Variants in SMG7 observed in about 807,000 individuals in gnomAD.
The protein encoded by SMG7 is nonsense-mediated mRNA decay factor SMG7.
Under a neutral mutation model 148.2 loss-of-function variants are expected in SMG7, and 34 were observed. The ratio of observed to expected loss-of-function variants is 0.23; its 90% CI spans 0.17 to 0.31. The LOEUF is 0.31. Ranked by LOEUF, SMG7 falls within the 10% of genes least tolerant of loss-of-function variation. The probability of loss-of-function intolerance (pLI) is 1.00; values close to 1 mark genes in which losing one functional copy is unlikely to be tolerated. For synonymous variants in SMG7, 492 were observed against 515.1 expected (o/e 0.96, Z 0.61); for missense variants, 1,114 against 1,408.4 (o/e 0.79, Z 3.35).
intron 1 of SMG7, 63 bp from the exon 2 acceptor site, chr1:183,512,774 G>A (rs1307047047): frequency 2.2e-6 from 3 of 1,387,018 alleles, no homozygotes; most frequent in Non-Finnish European, 2.9e-6. Context: ...TTATTTATAT[G>A]TTAGTTAGGC....
intron 4 of SMG7, among the ~76,000 whole-genome samples, chr1:183,525,000 A>G (rs1665549873): frequency 6.6e-6 from 1 of 152,032 alleles, no homozygotes. Context: ...TTGTCTTTGT[A>G]TCTTTCTTGT....
intron 12 of SMG7, among the ~76,000 whole-genome samples, chr1:183,539,564 A>G (rs1470005217): frequency 6.6e-6 from 1 of 152,210 alleles, no homozygotes; most frequent in African/African-American, 2.4e-5. Context: ...GCATATTCTA[A>G]CAATCTGACC....
chr1:183,528,068 GTTCT>G, intron 6 of SMG7, 41 bp downstream of exon 6: 2 of 1,494,666 alleles, frequency 1.3e-6, no homozygotes, highest in Non-Finnish European at 1.9e-6. Flanking sequence ...GTGACACTTT[GTTCT>G]TTATAACAAT....
chr1:183,507,601 A>G (rs1388601061), intron 1 of SMG7, among the ~76,000 whole-genome samples: 3 of 152,214 alleles, frequency 2.0e-5, no homozygotes, highest in Non-Finnish European at 4.4e-5. Flanking sequence ...TAATTTATGT[A>G]AAGCTCTTAG....
intron 10 of SMG7, among the ~76,000 whole-genome samples, chr1:183,536,914 C>G (rs1217160796): frequency 6.6e-6 from 1 of 152,080 alleles, no homozygotes; most frequent in Non-Finnish European, 1.5e-5. Context: ...GGGAAATGAT[C>G]TACAGTGGTA....
chr1:183,511,910 C>T (rs1360301617), intron 1 of SMG7, among the ~76,000 whole-genome samples: 1 of 152,106 alleles, frequency 6.6e-6, no homozygotes, highest in South Asian at 2.1e-4. Context: ...GGAGGACTTC[C>T]AGGTTTCTTC....
chr1:183,511,899 T>A (rs1450598072), intron 1 of SMG7, among the ~76,000 whole-genome samples: 2 of 152,352 alleles, frequency 1.3e-5, no homozygotes, highest in African/African-American at 4.8e-5. Flanking sequence ...AAAGTTGTCA[T>A]GGAGGACTTC....
In SMG7 at chr1:183,545,888, A is replaced by C; in HGVS notation, c.2371-78A>C. Reference sequence around the variant, plus strand: ...GTTGGTTGGAAAACACCCCAAGTTCATTCTGTGATTCTTTAGCATTCATTA... The same window carrying C: ...GTTGGTTGGAAAACACCCCAAGTTCCTTCTGTGATTCTTTAGCATTCATTA... On this transcript the variant is annotated intron_variant, in intron 16 of 22. Transcript: ENST00000688051. 7 of 1,486,566 alleles carry C rather than the reference A, an allele frequency of 4.7e-6. No individual in the cohort carries two copies. In the South Asian group the frequency reaches 9.8e-5, roughly 21 times the overall value. 92.1% of individuals were successfully genotyped at this position (1,486,566 alleles called of 1,614,324 possible). A position where few individuals can be genotyped will look rare whatever the true frequency, so the allele number is the denominator to read the frequency against.
chr1:183,533,863 G>A lies in SMG7; in HGVS notation c.1163+31G>A, dbSNP rs748426248. The stretch of plus-strand genomic sequence containing the variant: ...TATTTTTAGAATTTCATGTTAACTT[G>A]TGTGCTTTGTTTGTTTGATATCCAT... On this transcript the variant is annotated intron_variant, in intron 10 of 22. Transcript: ENST00000688051. The A allele has an allele frequency of 2.5e-6, 4 of 1,575,662 alleles. No individual in the cohort carries two copies. The African/African-American group carries it at 4.1e-5, about 16-fold the overall frequency.
intron 1 of SMG7, among the ~76,000 whole-genome samples, chr1:183,484,962 G>T (rs1240186103): frequency 6.6e-6 from 1 of 152,054 alleles, no homozygotes; most frequent in South Asian, 2.1e-4. Context: ...GTATAGACTA[G>T]CAATAAGGAA....
At position 183,549,333 on chromosome 1, in the gene SMG7, C is replaced by G; in HGVS notation, c.2973+45C>G. 3.8e-6 allele frequency: 5 copies of G among 1,306,982 alleles called. No homozygotes were observed. In the African/African-American group the frequency reaches 4.4e-5, roughly 11 times the overall value. The allele number at this position is 1,306,982 out of a possible 1,614,324, so 81.0% of individuals were successfully genotyped here. The stretch of plus-strand genomic sequence containing the variant: ...TCCTGCTGTGTGCTTTTAGTGTAGA[C>G]TGATCATTGTCTTTCTCATACTGTT... On this transcript the variant is annotated intron_variant, in intron 19 of 22. Coordinates refer to ENST00000688051, the MANE Select transcript of SMG7 (RefSeq NM_001375584.1).
At chr1:183,476,326 A>C (rs562373124) in intron 1 of SMG7, among the ~76,000 whole-genome samples, 1 of 152,210 alleles carries the variant, frequency 6.6e-6, no homozygotes, top group South Asian at 2.1e-4. Context: ...GAAGATCATG[A>C]CTGGGCAATT....
chr1:183,520,186 T>A (rs1236965187), intron 4 of SMG7, among the ~76,000 whole-genome samples: 1 of 152,154 alleles, frequency 6.6e-6, no homozygotes, highest in Non-Finnish European at 1.5e-5. Context: ...AGTTAAATTA[T>A]GGCATAACTG....
At chr1:183,511,270 G>A (rs1230534675) in intron 1 of SMG7, among the ~76,000 whole-genome samples, 1 of 152,194 alleles carries the variant, frequency 6.6e-6, no homozygotes, top group African/African-American at 2.4e-5. Flanking sequence ...TAGTAGACAA[G>A]GAGTTGTGAT....
At chr1:183,504,805 A>C (rs569171090) in intron 1 of SMG7, among the ~76,000 whole-genome samples, 1 of 152,214 alleles carries the variant, frequency 6.6e-6, no homozygotes, top group South Asian at 2.1e-4. Context: ...CTTATCTCTG[A>C]AATTGAGGAA....
intron 4 of SMG7, among the ~76,000 whole-genome samples, chr1:183,526,117 C>G (rs1276384110): frequency 2.7e-5 from 4 of 148,976 alleles, no homozygotes; most frequent in African/African-American, 7.4e-5. Context: ...TACTAGTTAT[C>G]CTGTGAAAGA....
chr1:183,472,983 G>A, intron 1 of SMG7: 1 of 346,094 alleles, frequency 2.9e-6, no homozygotes, highest in East Asian at 4.4e-5. Flanking sequence ...CGGCGACCCC[G>A]AGTGGAGGTG....
chr1:183,533,591 A>G (rs781127437), intron 9 of SMG7, 85 bp from the exon 10 acceptor site: 2 of 1,161,550 alleles, frequency 1.7e-6, no homozygotes, highest in Non-Finnish European at 2.5e-6. Flanking sequence ...GTTAAACAGA[A>G]TATAGTAGAA....
intron 4 of SMG7, among the ~76,000 whole-genome samples, chr1:183,521,981 A>G (rs1248661589): frequency 6.6e-6 from 1 of 152,156 alleles, no homozygotes; most frequent in Non-Finnish European, 1.5e-5. Flanking sequence ...TATGGAAGCT[A>G]GCTATGGAAG....
Sources: gnomAD v4.1 joint callset for allele counts (sites outside exome capture counted in the v4.1 genomes callset) on GRCh38, gnomAD v4.1.1 for gene constraint, MANE v1.5 for transcripts, NCBI Gene and HGNC (gene_info 2026-07-23, HGNC 2026-07-21) for gene names.